Variants in ABHD18 observed in about 807,000 individuals in gnomAD.
The protein encoded by ABHD18 is abhydrolase domain containing 18.
In ABHD18, 55 loss-of-function variants were observed where a neutral mutation model predicts 65.9. The observed-to-expected ratio is 0.84, with a 90% CI of 0.67 to 1.05. ABHD18 has a LOEUF of 1.05. Ranked by LOEUF, ABHD18 falls within the 50% of genes least tolerant of loss-of-function variation. ABHD18 has a pLI of 0.00. For missense variants in ABHD18, 533 were observed against 558.5 expected (o/e 0.95, Z 0.46); for synonymous variants, 181 against 180.2 (o/e 1.00, Z -0.04).
chr4:128,026,707 T>A (rs747724641), intron 10 of ABHD18, among the ~76,000 whole-genome samples: 1 of 152,194 alleles, frequency 6.6e-6, no homozygotes. Context: ...ACAGTCATGC[T>A]CTGCATAACA....
intron 3 of ABHD18, among the ~76,000 whole-genome samples, chr4:127,986,001 T>TA (rs1286892438): frequency 6.6e-6 from 1 of 152,100 alleles, no homozygotes; most frequent in Non-Finnish European, 1.5e-5. Flanking sequence ...GCAACAGAGC[T>TA]AGACTCCGTC....
intron 4 of ABHD18, chr4:128,001,640 A>G: frequency 1.4e-6 from 2 of 1,449,356 alleles, no homozygotes; most frequent in Non-Finnish European, 1.9e-6. Flanking sequence ...CCCCTTGCCT[A>G]CTTATGCAAT....
rs145073115 is a variant in ABHD18, at chr4:127,980,651, C to A, written c.-17-2288C>A. On this transcript the variant is annotated intron_variant, in intron 1 of 12. Transcript: ENST00000645843. The stretch of plus-strand genomic sequence containing the variant: ...CCAGCCTGGACGACATGGTGAAACC[C>A]CGTCTCTACTAAAAACACAAAAATT... 6.5e-4 allele frequency among the ~76,000 whole-genome samples: 98 copies of A among 151,798 alleles called. 1 individual carries two copies. Among genetic ancestry groups the A allele is most frequent in the African/African-American group, 2.1e-3 (88 of 41,410 alleles).
intron 1 of ABHD18, among the ~76,000 whole-genome samples, chr4:127,977,271 G>A (rs1333040811): frequency 1.3e-5 from 2 of 151,808 alleles, no homozygotes; most frequent in African/African-American, 2.4e-5. Flanking sequence ...TCGGGAGTTC[G>A]AGACCAGCCT....
intron 12 of ABHD18, among the ~76,000 whole-genome samples, chr4:128,035,137 CAAT>C (rs1389922074): frequency 5.3e-5 from 8 of 152,124 alleles, no homozygotes; most frequent in African/African-American, 1.7e-4. Context: ...AGCGATAAGA[CAAT>C]AAATCAGTTC....
intron 4 of ABHD18, among the ~76,000 whole-genome samples, chr4:127,994,294 T>C (rs1199574032): frequency 3.3e-5 from 5 of 152,316 alleles, no homozygotes; most frequent in African/African-American, 1.2e-4. Flanking sequence ...AATTATAATA[T>C]TTTAAAACAT....
intron 1 of ABHD18, among the ~76,000 whole-genome samples, chr4:127,980,026 C>T (rs1359637497): frequency 6.6e-6 from 1 of 151,284 alleles, no homozygotes; most frequent in Non-Finnish European, 1.5e-5. Context: ...AAATGTGTTA[C>T]ATTACTTTAG....
Position 128,032,043 on chromosome 4 carries a change from C to G in ABHD18, c.1343+1371C>G, listed in dbSNP as rs376571997. Among the ~76,000 whole-genome samples, 17 of 152,308 alleles carry G rather than the reference C, an allele frequency of 1.1e-4. No individual in the cohort carries two copies. In the East Asian group the frequency reaches 2.1e-3, roughly 19 times the overall value. On this transcript the variant is annotated intron_variant, in intron 12 of 12. Transcript: ENST00000645843. ...GTAAATTAGTATCAAATTTCTTTCA[C>G]TCTTTTGTGTATCTAAGTGGGAGTA...
At chr4:128,011,495 TAA>T (rs1553964860) in intron 6 of ABHD18, among the ~76,000 whole-genome samples, 176 bp from the exon 7 acceptor site, 26 of 149,264 alleles carry the variant, frequency 1.7e-4, no homozygotes, top group Non-Finnish European at 3.4e-4. Flanking sequence ...TTTTTTTTTT[TAA>T]AAAAAAGGAA....
At chr4:127,989,650 A>G in intron 3 of ABHD18, 71 bp from the exon 4 acceptor site, 1 of 1,002,318 alleles carries the variant, frequency 1.0e-6, no homozygotes, top group Non-Finnish European at 1.4e-6. Context: ...ACTTTTTATT[A>G]GAAGAACATC....
At chr4:128,026,475 G>C (rs1330620620) in intron 10 of ABHD18, among the ~76,000 whole-genome samples, 7 of 148,744 alleles carry the variant, frequency 4.7e-5, no homozygotes, top group African/African-American at 1.7e-4. Context: ...AAAAAAAAAA[G>C]AGCAGTTTGT....
chr4:128,018,064 G>A (rs757415592), intron 8 of ABHD18, among the ~76,000 whole-genome samples: 2 of 152,140 alleles, frequency 1.3e-5, no homozygotes, highest in Non-Finnish European at 2.9e-5. Flanking sequence ...GCTGTGTCAC[G>A]TGCTAGCATC....
intron 11 of ABHD18, among the ~76,000 whole-genome samples, chr4:128,030,083 A>T (rs895568331): frequency 1.3e-5 from 2 of 152,194 alleles, no homozygotes; most frequent in African/African-American, 4.8e-5. Context: ...TGAGCCCAGG[A>T]GTTCAAGGCT....
intron 4 of ABHD18, among the ~76,000 whole-genome samples, chr4:127,999,278 C>A (rs1390088006): frequency 1.3e-5 from 2 of 151,856 alleles, no homozygotes; most frequent in Non-Finnish European, 2.9e-5. Flanking sequence ...AGTGAGACTG[C>A]ATCTCAAAAA....
At chr4:127,981,882 A>G (rs1421437970) in intron 1 of ABHD18, among the ~76,000 whole-genome samples, 2 of 152,206 alleles carry the variant, frequency 1.3e-5, no homozygotes, top group Non-Finnish European at 2.9e-5. Flanking sequence ...TGACAAGTAC[A>G]TTAGCTAGTA....
Position 128,028,450 on chromosome 4 carries a change from G to A in ABHD18, c.802-25G>A, listed in dbSNP as rs1274107671. On this transcript the variant is annotated intron_variant, in intron 10 of 12. Transcript: ENST00000645843. ...AATACCCTATTTTATATTAAATAAT[G>A]TTTTCTTTCCTTTCATATGTTCAGA... The A allele has an allele frequency of 7.1e-6, 10 of 1,415,582 alleles. No individual in the cohort carries two copies. In the East Asian group the frequency reaches 2.6e-4, roughly 37 times the overall value. The allele number at this position is 1,415,582 out of a possible 1,614,324, so 87.7% of individuals were successfully genotyped here.
intron 1 of ABHD18, among the ~76,000 whole-genome samples, chr4:127,971,609 G>GCCT (rs2149039192): frequency 6.9e-6 from 1 of 144,022 alleles, no homozygotes; most frequent in African/African-American, 2.5e-5. Context: ...TCCTGCCTCA[G>GCCT]CCTCCTGAGT....
intron 10 of ABHD18, among the ~76,000 whole-genome samples, chr4:128,022,678 T>C (rs1440971353): frequency 6.6e-6 from 1 of 152,130 alleles, no homozygotes; most frequent in African/African-American, 2.4e-5. Flanking sequence ...AAGGCAGTTA[T>C]GGTAAATGCT....
intron 2 of ABHD18, among the ~76,000 whole-genome samples, chr4:127,983,291 AAC>A (rs1330831192): frequency 6.6e-6 from 1 of 152,228 alleles, no homozygotes; most frequent in Non-Finnish European, 1.5e-5. Flanking sequence ...AACTCTCAGA[AAC>A]ACAGAGTAGA....
Sources: allele counts gnomAD v4.1 joint callset (sites outside exome capture counted in the v4.1 genomes callset), GRCh38; gene constraint gnomAD v4.1.1; transcripts MANE v1.5; gene names NCBI Gene and HGNC (gene_info 2026-07-23, HGNC 2026-07-21).